The following MMS22L variants were observed in gnomAD, a reference collection of about 807,000 sequenced individuals.
The protein encoded by MMS22L is MMS22 like, DNA repair protein, also known as protein MMS22-like.
In MMS22L, 74 loss-of-function variants were observed where a neutral mutation model predicts 159.1. The observed-to-expected ratio is 0.47, with a 90% CI of 0.39 to 0.56. The LOEUF is 0.56. MMS22L is among the 20% of genes least tolerant of loss of function. MMS22L has a pLI of 0.00. For missense variants in MMS22L, 1,351 were observed against 1,422.1 expected (o/e 0.95, Z 0.80); for synonymous variants, 517 against 506.9 (o/e 1.02, Z -0.27).
intron 14 of MMS22L, among the ~76,000 whole-genome samples, chr6:97,211,740 C>T (rs1162619632): frequency 1.3e-5 from 2 of 152,042 alleles, no homozygotes; most frequent in Non-Finnish European, 2.9e-5. Flanking sequence ...GAAAGAAATG[C>T]GGCAAAGTGT....
At chr6:97,159,886 G>A (rs936757382) in intron 22 of MMS22L, among the ~76,000 whole-genome samples, 1 of 146,954 alleles carries the variant, frequency 6.8e-6, no homozygotes, top group African/African-American at 2.5e-5. Context: ...AAACACTTCT[G>A]TTCCCAAGCA....
chr6:97,267,644 A>T (rs1815268966), intron 8 of MMS22L: 2 of 97,830 alleles, frequency 2.0e-5, no homozygotes, highest in Non-Finnish European at 1.6e-5. Flanking sequence ...ATTTTTCTTA[A>T]AAAAAAAAAA....
intron 10 of MMS22L, among the ~76,000 whole-genome samples, chr6:97,252,578 G>C (rs1473733053): frequency 6.6e-6 from 1 of 150,944 alleles, no homozygotes; most frequent in Non-Finnish European, 1.5e-5. Context: ...CCGTGAGGCA[G>C]AGTTTGCAGT....
intron 14 of MMS22L, among the ~76,000 whole-genome samples, chr6:97,211,660 T>C (rs1470896504): frequency 1.3e-5 from 2 of 152,156 alleles, no homozygotes; most frequent in African/African-American, 4.8e-5. Context: ...AATATTCTTC[T>C]GACATCTATT....
At chr6:97,268,880 T>C (rs1815429928) in intron 7 of MMS22L, among the ~76,000 whole-genome samples, 1 of 151,940 alleles carries the variant, frequency 6.6e-6, no homozygotes, top group Admixed American at 6.6e-5. Context: ...TATACCTATA[T>C]AGACATATAT....
intron 16 of MMS22L, 136 bp from the exon 17 acceptor site, chr6:97,179,695 A>T (rs925976081): frequency 3.7e-5 from 23 of 616,554 alleles, no homozygotes; most frequent in Non-Finnish European, 5.6e-5. Context: ...ACACTAACGT[A>T]GGCATGCATT....
At chr6:97,282,648 A>AC in intron 1 of MMS22L, 95 bp from the exon 2 acceptor site, 1 of 508,020 alleles carries the variant, frequency 2.0e-6, no homozygotes, top group South Asian at 2.8e-5. Flanking sequence ...AAACGAACAA[A>AC]CCCAGAGGCC....
At chr6:97,156,117 CA>C (rs1247894979) in intron 22 of MMS22L, among the ~76,000 whole-genome samples, 1 of 152,188 alleles carries the variant, frequency 6.6e-6, no homozygotes, top group Non-Finnish European at 1.5e-5. Flanking sequence ...TTTTTGGCTG[CA>C]TAAATGTCTT....
intron 11 of MMS22L, among the ~76,000 whole-genome samples, chr6:97,244,024 A>T (rs1392692503): frequency 6.6e-6 from 1 of 152,120 alleles, no homozygotes; most frequent in Non-Finnish European, 1.5e-5. Context: ...TGTTTAGTAC[A>T]TTGGTTTTCT....
At chr6:97,187,105 C>A (rs191822385) in intron 14 of MMS22L, among the ~76,000 whole-genome samples, 2 of 152,058 alleles carry the variant, frequency 1.3e-5, no homozygotes, top group African/African-American at 4.8e-5. Context: ...CTGGCTTATG[C>A]GTGGTATTTT....
intron 10 of MMS22L, among the ~76,000 whole-genome samples, chr6:97,250,802 G>A (rs1490545304): frequency 6.6e-6 from 1 of 151,946 alleles, no homozygotes; most frequent in African/African-American, 2.4e-5. Context: ...CTGAAACATC[G>A]CCACACTGCC....
intron 18 of MMS22L, among the ~76,000 whole-genome samples, chr6:97,176,271 AATT>A (rs1341493345): frequency 1.3e-5 from 2 of 152,184 alleles, no homozygotes; most frequent in East Asian, 3.9e-4. Context: ...TGGTATCAGT[AATT>A]CCCAGGGGTC....
intron 14 of MMS22L, among the ~76,000 whole-genome samples, chr6:97,213,386 A>G (rs1380799358): frequency 2.6e-5 from 4 of 152,192 alleles, no homozygotes; most frequent in Non-Finnish European, 5.9e-5. Flanking sequence ...AGCCTGGGCA[A>G]CAAGAGCAAA....
rs1812671444 is a variant in MMS22L, at chr6:97,246,630, GAA to G, written c.1178_1179del (p.Val393AlafsTer21). 1 of 1,609,002 alleles carries G rather than the reference GAA, an allele frequency of 6.2e-7. No individual in the cohort carries two copies. Among genetic ancestry groups the G allele is most frequent in the Admixed American group, 1.7e-5 (1 of 59,306 alleles). ...ACTGTCTTACTTTAATTGCATACCT[GAA>G]CACTGATGGACTTTTTCAGCAGTTC... ...VEELLKKSIS[V>X]QGVILEEQLR... On this transcript the variant is annotated frameshift_variant, in exon 11 of 25. Coordinates refer to ENST00000683635, the MANE Select transcript of MMS22L (RefSeq NM_001350599.2). LOFTEE classifies it high-confidence loss of function.
intron 18 of MMS22L, among the ~76,000 whole-genome samples, chr6:97,175,280 T>A (rs1161450200): frequency 6.6e-6 from 1 of 152,218 alleles, no homozygotes; most frequent in Non-Finnish European, 1.5e-5. Context: ...AAAAGACAGC[T>A]TGATTCTTAT....
chr6:97,153,967 T>A (rs1034003962), intron 22 of MMS22L, among the ~76,000 whole-genome samples: 19 of 151,898 alleles, frequency 1.3e-4, no homozygotes, highest in African/African-American at 4.3e-4. Context: ...TTCTCTTAAA[T>A]ATATATATAT....
chr6:97,171,677 T>C (rs994663410), intron 19 of MMS22L, among the ~76,000 whole-genome samples: 8 of 152,282 alleles, frequency 5.3e-5, no homozygotes, highest in Admixed American at 3.3e-4. Context: ...TCACTAGCAG[T>C]CTTGCAACCT....
intron 14 of MMS22L, among the ~76,000 whole-genome samples, chr6:97,206,595 C>T (rs572133370): frequency 6.6e-6 from 1 of 152,192 alleles, no homozygotes; most frequent in Non-Finnish European, 1.5e-5. Context: ...TATCATAATT[C>T]TTGTCCTAAC....
chr6:97,234,603 G>A (rs1171404864), intron 11 of MMS22L, among the ~76,000 whole-genome samples: 3 of 152,072 alleles, frequency 2.0e-5, no homozygotes, highest in African/African-American at 7.2e-5. Context: ...CTGTTTTAAC[G>A]TACTAGGCAT....
Sources: gnomAD v4.1 joint callset for allele counts (sites outside exome capture counted in the v4.1 genomes callset) on GRCh38, gnomAD v4.1.1 for gene constraint, MANE v1.5 for transcripts, NCBI Gene and HGNC (gene_info 2026-07-23, HGNC 2026-07-21) for gene names.